Variants in SLIT2 observed in about 807,000 individuals in gnomAD.
The protein encoded by SLIT2 is slit guidance ligand 2.
SLIT2 carries 41 observed loss-of-function variants against 185.7 expected under a neutral mutation model. That is an observed-to-expected ratio of 0.22 (90% confidence interval 0.17 to 0.29). The LOEUF is 0.29. Among genes scored for constraint, SLIT2 ranks in the 10% least tolerant of loss-of-function variants. The pLI is 1.00. For synonymous variants in SLIT2, 693 were observed against 680.2 expected, an observed-to-expected ratio of 1.02 and a Z score of -0.29; for missense variants, 1,571 against 1,909.0, an observed-to-expected ratio of 0.82 and a Z score of 3.30.
chr4:20,385,560 T>G (rs1037401603), intron 4 of SLIT2, among the ~76,000 whole-genome samples: 1 of 152,186 alleles, frequency 6.6e-6, no homozygotes, highest in African/African-American at 2.4e-5. Context: ...TGCAGTCATA[T>G]CTGCACCTTC....
chr4:20,326,649 A>T (rs1431656770), intron 4 of SLIT2, among the ~76,000 whole-genome samples: 1 of 151,052 alleles, frequency 6.6e-6, no homozygotes, highest in East Asian at 1.9e-4. Flanking sequence ...ATGAACTCTA[A>T]GTGACTCTTA....
At chr4:20,369,473 G>T (rs1577515880) in intron 4 of SLIT2, among the ~76,000 whole-genome samples, 2 of 152,244 alleles carry the variant, frequency 1.3e-5, no homozygotes, top group Non-Finnish European at 2.9e-5. Flanking sequence ...AACAGCAGTT[G>T]TGAGTACTTG....
At chr4:20,595,051 G>T (rs953214487) in intron 30 of SLIT2, among the ~76,000 whole-genome samples, 2 of 152,078 alleles carry the variant, frequency 1.3e-5, no homozygotes, top group African/African-American at 2.4e-5. Flanking sequence ...TACCACCATG[G>T]TGAACAGGCT....
At chr4:20,476,959 A>T (rs1278878364) in intron 5 of SLIT2, among the ~76,000 whole-genome samples, 2 of 152,098 alleles carry the variant, frequency 1.3e-5, no homozygotes, top group Non-Finnish European at 2.9e-5. Flanking sequence ...TGAAACTAGG[A>T]TAAATTATTT....
chr4:20,354,902 TGTGTGAGAGAGAGAGAGAGAGA>T lies in SLIT2; in HGVS notation c.395+86023_395+86044del, dbSNP rs748818361. 2.3e-3 allele frequency among the ~76,000 whole-genome samples: 242 copies of T among 106,490 alleles called. 2 individuals carry two copies. In the East Asian group the frequency reaches 0.03, roughly 13 times the overall value. The allele number at this position is 106,490 out of a possible 152,430, so 69.9% of individuals were successfully genotyped here. A position where few individuals can be genotyped will look rare whatever the true frequency, so the allele number is the denominator to read the frequency against. Reference sequence around the variant, plus strand: ...GCAAGTCTGCGTGTGTGTGTGTGTGTGTGTGAGAGAGAGAGAGAGAGAGAGAGAGAGAGAGAGAGAGAGAAGC... The same window carrying T: ...GCAAGTCTGCGTGTGTGTGTGTGTGTGAGAGAGAGAGAGAGAGAGAGAAGC... On this transcript the variant is annotated intron_variant, in intron 4 of 36. Transcript: ENST00000504154.
intron 4 of SLIT2, among the ~76,000 whole-genome samples, chr4:20,463,011 C>T (rs1294138262): frequency 6.6e-6 from 1 of 152,246 alleles, no homozygotes; most frequent in East Asian, 1.9e-4. Flanking sequence ...AAAGTATGAA[C>T]TCATTGAATC....
At chr4:20,594,159 ATG>A (rs1158226479) in intron 30 of SLIT2, among the ~76,000 whole-genome samples, 2 of 148,960 alleles carry the variant, frequency 1.3e-5, no homozygotes, top group East Asian at 4.0e-4. Context: ...ATACATATGT[ATG>A]TGTGTATATA....
intron 4 of SLIT2, among the ~76,000 whole-genome samples, chr4:20,452,729 GCT>G (rs1242055671): frequency 6.6e-6 from 1 of 152,106 alleles, no homozygotes. Flanking sequence ...TGTGTTGAAT[GCT>G]CTCTGCACTT....
At chr4:20,475,316 G>GT (rs5856561) in intron 5 of SLIT2, among the ~76,000 whole-genome samples, 3,755 of 140,740 alleles carry the variant, frequency 0.027, 114 homozygotes, top group African/African-American at 0.068. Context: ...TGAGGTTTTG[G>GT]TTTTTTTTTT....
At chr4:20,397,838 G>A (rs1437791584) in intron 4 of SLIT2, among the ~76,000 whole-genome samples, 4 of 151,600 alleles carry the variant, frequency 2.6e-5, no homozygotes, top group East Asian at 1.9e-4. Flanking sequence ...TGTGGTTGTC[G>A]GAATTGTACA....
chr4:20,257,949 T>A lies in SLIT2; in HGVS notation c.323+10T>A. The A allele has an allele frequency of 7.6e-7, 1 of 1,308,730 alleles. No homozygotes were observed. Among genetic ancestry groups the A allele is most frequent in the Non-Finnish European group, 1.1e-6 (1 of 915,740 alleles). 81.1% of individuals were successfully genotyped at this position (1,308,730 alleles called of 1,614,324 possible). A position where few individuals can be genotyped will look rare whatever the true frequency, so the allele number is the denominator to read the frequency against. The stretch of plus-strand genomic sequence containing the variant: ...AAGAACTAGAGAGACTGTAAGTATT[T>A]TCAATTCCAAAGTTATGACAACATA... On this transcript the variant is annotated intron_variant, in intron 3 of 36. Coordinates refer to ENST00000504154, the MANE Select transcript of SLIT2 (RefSeq NM_004787.4).
intron 4 of SLIT2, among the ~76,000 whole-genome samples, chr4:20,361,575 G>A (rs996302546): frequency 6.6e-6 from 1 of 151,968 alleles, no homozygotes; most frequent in Non-Finnish European, 1.5e-5. Context: ...TAAAAGTAAT[G>A]GCAAAACCAC....
chr4:20,321,575 A>G (rs1241963703), intron 4 of SLIT2, among the ~76,000 whole-genome samples: 1 of 152,200 alleles, frequency 6.6e-6, no homozygotes, highest in Non-Finnish European at 1.5e-5. Context: ...GGCTGCAGAA[A>G]TGAGATGCCT....
chr4:20,467,844 T>G (rs1205442462), intron 5 of SLIT2, 21 bp downstream of exon 5: 5 of 1,255,126 alleles, frequency 4.0e-6, no homozygotes, highest in Non-Finnish European at 5.7e-6. Context: ...ATTTTTAAAT[T>G]TATAGTGTTT....
intron 4 of SLIT2, among the ~76,000 whole-genome samples, chr4:20,466,904 G>T (rs1714416730): frequency 6.6e-6 from 1 of 152,036 alleles, no homozygotes; most frequent in Admixed American, 6.5e-5. Flanking sequence ...AACTAGATGA[G>T]AATTTTCTGC....
At chr4:20,503,457 T>C (rs1382665802) in intron 9 of SLIT2, among the ~76,000 whole-genome samples, 1 of 152,152 alleles carries the variant, frequency 6.6e-6, no homozygotes, top group Non-Finnish European at 1.5e-5. Flanking sequence ...ACAAAACTTC[T>C]AAGTGTTTTT....
intron 11 of SLIT2, 29 bp downstream of exon 11, chr4:20,511,166 AAG>A: frequency 7.1e-7 from 1 of 1,405,968 alleles, no homozygotes; most frequent in Non-Finnish European, 1.0e-6. Context: ...ACTGAAGGAA[AAG>A]AGAAGCCACA....
Position 20,253,860 on chromosome 4 carries a change from A to C in SLIT2, c.45A>C (p.Leu15Phe). 1 of 1,600,464 alleles carries C rather than the reference A, an allele frequency of 6.2e-7. No individual in the cohort carries two copies. Among genetic ancestry groups the C allele is most frequent in the Non-Finnish European group, 8.5e-7 (1 of 1,179,864 alleles). Residue 15 changes from leucine (L) to phenylalanine (F), a missense_variant, in exon 1 of 37, where the codon TTA (leucine) becomes TTC (phenylalanine). This residue lies in a region of SLIT2 where 1,202 missense variants were observed against 1,416.4 expected (regional missense o/e 0.85). Transcript: ENST00000504154. ...AGATGCTGTCCCTGTCGCTGGGGTT[A>C]GTGCTGGCGATCCTGAACAAGGTGG... The part of the protein sequence containing the change: ...GWQMLSLSLG[L>F]VLAILNKVAP...
At chr4:20,256,796 A>G in intron 2 of SLIT2, 53 bp downstream of exon 2, 1 of 848,322 alleles carries the variant, frequency 1.2e-6, no homozygotes, top group Non-Finnish European at 1.9e-6. Context: ...CATATTTTGA[A>G]TCATTACTGG....
Sources: allele counts gnomAD v4.1 joint callset (sites outside exome capture counted in the v4.1 genomes callset), GRCh38; gene constraint gnomAD v4.1.1; regional missense constraint gnomAD v4.1.1; transcripts MANE v1.5; gene names NCBI Gene and HGNC (gene_info 2026-07-23, HGNC 2026-07-21).